PTPRD: variants seen among roughly 807,000 people sequenced by gnomAD.
PTPRD encodes protein tyrosine phosphatase receptor type D.
In PTPRD, 34 loss-of-function variants were observed where a neutral mutation model predicts 214.5. The ratio of observed to expected loss-of-function variants is 0.16; its 90% CI spans 0.12 to 0.21. PTPRD has a LOEUF of 0.21. PTPRD is among the 10% of genes least tolerant of loss of function. The pLI is 1.00. For synonymous variants in PTPRD, 1,128 were observed against 845.7 expected, an observed-to-expected ratio of 1.33 and a Z score of -5.79; for missense variants, 2,545 against 2,398.7, an observed-to-expected ratio of 1.06 and a Z score of -1.27.
At chr9:9,662,181 G>A (rs570689217) in intron 7 of PTPRD, among the ~76,000 whole-genome samples, 1 of 151,696 alleles carries the variant, frequency 6.6e-6, no homozygotes, top group South Asian at 2.1e-4. Flanking sequence ...GAGCTTGGAA[G>A]GCAGTCTCAG....
At chr9:9,355,287 T>G (rs1391105542) in intron 9 of PTPRD, among the ~76,000 whole-genome samples, 1 of 151,834 alleles carries the variant, frequency 6.6e-6, no homozygotes, top group Non-Finnish European at 1.5e-5. Context: ...GAATGAATTA[T>G]AATGGTACAA....
chr9:8,755,090 C>T lies in PTPRD; in HGVS notation c.-103-21144G>A, dbSNP rs150040580. Among the ~76,000 whole-genome samples, 334 of 152,158 alleles carry T rather than the reference C, an allele frequency of 2.2e-3. 1 individual carries two copies. Among genetic ancestry groups the T allele is most frequent in the Middle Eastern group, 6.8e-3 (2 of 292 alleles). On this transcript the variant is annotated intron_variant, in intron 11 of 45. Transcript: ENST00000381196. ...GAAGGTTGCAGTGCAAATTAAAACT[C>T]ATATACTGCTGGTTAGAGTGCCAAC...
chr9:9,169,625 C>T (rs2099910717), intron 10 of PTPRD, among the ~76,000 whole-genome samples: 1 of 152,112 alleles, frequency 6.6e-6, no homozygotes, highest in African/African-American at 2.4e-5. Context: ...AGCTTTGTTA[C>T]TCCTTCTTTC....
chr9:10,593,462 T>A (rs1169316185), intron 2 of PTPRD, among the ~76,000 whole-genome samples: 1 of 152,102 alleles, frequency 6.6e-6, no homozygotes, highest in African/African-American at 2.4e-5. Context: ...AATATTTGGA[T>A]GTTATTACAA....
chr9:8,834,145 T>C (rs1276583312), intron 11 of PTPRD, among the ~76,000 whole-genome samples: 1 of 152,100 alleles, frequency 6.6e-6, no homozygotes. Context: ...TTATTTACTA[T>C]TACACTAGAA....
At chr9:8,773,821 C>T (rs1303755136) in intron 11 of PTPRD, among the ~76,000 whole-genome samples, 1 of 152,184 alleles carries the variant, frequency 6.6e-6, no homozygotes, top group Non-Finnish European at 1.5e-5. Flanking sequence ...TCTTTCATTA[C>T]ACTTGCACAT....
intron 3 of PTPRD, among the ~76,000 whole-genome samples, chr9:10,231,674 G>A (rs1162678520): frequency 6.6e-6 from 1 of 151,928 alleles, no homozygotes; most frequent in Non-Finnish European, 1.5e-5. Context: ...AATGCTTGTT[G>A]AATGAGTGAT....
At chr9:8,777,488 T>G (rs2095531610) in intron 11 of PTPRD, among the ~76,000 whole-genome samples, 1 of 152,210 alleles carries the variant, frequency 6.6e-6, no homozygotes, top group African/African-American at 2.4e-5. Flanking sequence ...GACAATTTTG[T>G]GGATTATGTT....
Position 8,801,880 on chromosome 9 carries a change from A to G in PTPRD, c.-103-67934T>C, listed in dbSNP as rs181576823. Among the ~76,000 whole-genome samples, 341 of 152,336 alleles carry G rather than the reference A, an allele frequency of 2.2e-3. 1 individual carries two copies. The highest frequency in any genetic ancestry group is 7.7e-3 in the African/African-American group (318 of 41,566). ...ATTACCACAGTTATTTGCATACTGT[A>G]CAAACTGAAAAGCAGTTTTTAAAAA... On this transcript the variant is annotated intron_variant, in intron 11 of 45. Coordinates refer to ENST00000381196, the MANE Select transcript of PTPRD (RefSeq NM_002839.4).
At chr9:10,240,122 G>T (rs74747977) in intron 3 of PTPRD, among the ~76,000 whole-genome samples, 4,386 of 151,984 alleles carry the variant, frequency 0.029, 128 homozygotes, top group Non-Finnish European at 0.041. Flanking sequence ...TATACTTTTT[G>T]TATAATCGTA....
intron 4 of PTPRD, among the ~76,000 whole-genome samples, chr9:10,005,098 A>T (rs2096444195): frequency 2.0e-5 from 3 of 152,114 alleles, no homozygotes; most frequent in Admixed American, 2.0e-4. Context: ...ATTTCCTATA[A>T]GATTTTTTTT....
At chr9:8,894,008 G>C (rs1361989367) in intron 11 of PTPRD, among the ~76,000 whole-genome samples, 1 of 152,052 alleles carries the variant, frequency 6.6e-6, no homozygotes, top group African/African-American at 2.4e-5. Context: ...ATTGTATTTT[G>C]TAAAGCACAC....
At chr9:9,001,562 A>G (rs1255714635) in intron 11 of PTPRD, among the ~76,000 whole-genome samples, 1 of 151,956 alleles carries the variant, frequency 6.6e-6, no homozygotes, top group African/African-American at 2.4e-5. Flanking sequence ...AAAGCTCTGG[A>G]TCGGGTTCAA....
chr9:10,279,656 A>G (rs1033802321), intron 3 of PTPRD, among the ~76,000 whole-genome samples: 1 of 151,452 alleles, frequency 6.6e-6, no homozygotes, highest in Non-Finnish European at 1.5e-5. Flanking sequence ...TTAGGTACCT[A>G]GGTACTATAT....
chr9:9,486,185 A>AAAAG (rs2095628114), intron 8 of PTPRD, among the ~76,000 whole-genome samples: 1 of 136,178 alleles, frequency 7.3e-6, no homozygotes, highest in Non-Finnish European at 1.6e-5. Context: ...AAAAAAAAAA[A>AAAAG]GCCTTCCCTT....
At position 10,455,909 on chromosome 9, in the gene PTPRD, T is replaced by C. The variant is rs557430059; in HGVS notation, c.-599-114892A>G. Among the ~76,000 whole-genome samples the C allele has an allele frequency of 1.5e-3, 225 of 151,974 alleles. 2 individuals carry two copies. The highest frequency in any genetic ancestry group is 4.8e-3 in the African/African-American group (199 of 41,562). ...ACTGCTAGGAAATCACAAAATAAGA[T>C]GTAATGTAGTTACAAAAAATATTAG... On this transcript the variant is annotated intron_variant, in intron 2 of 45. Transcript: ENST00000381196.
At chr9:9,937,851 T>A (rs1046599418) in intron 5 of PTPRD, among the ~76,000 whole-genome samples, 2 of 152,194 alleles carry the variant, frequency 1.3e-5, no homozygotes, top group African/African-American at 4.8e-5. Flanking sequence ...CCTAAACTGT[T>A]ATTCTATTCA....
rs869120926 is a variant in PTPRD at position 9,779,078 on chromosome 9, CAAA to C, written c.-367-12230_-367-12228del. Among the ~76,000 whole-genome samples, 52 of 45,482 alleles carry C rather than the reference CAAA, an allele frequency of 1.1e-3. No individual in the cohort carries two copies. The East Asian group carries it at 0.019, about 16-fold the overall frequency. 29.8% of individuals were successfully genotyped at this position (45,482 alleles called of 152,430 possible). Reference sequence around the variant, plus strand: ...GCCATGTGATCTTTCATAAGACTGACAAAAAAAAAAAAAAAAAAAAAAAAAAGC... The same window carrying C: ...GCCATGTGATCTTTCATAAGACTGACAAAAAAAAAAAAAAAAAAAAAAAGC... On this transcript the variant is annotated intron_variant, in intron 5 of 45. Coordinates refer to ENST00000381196, the MANE Select transcript of PTPRD (RefSeq NM_002839.4).
chr9:8,596,072 C>A (rs960574684), intron 14 of PTPRD, among the ~76,000 whole-genome samples: 31 of 152,056 alleles, frequency 2.0e-4, no homozygotes, highest in African/African-American at 7.2e-4. Context: ...ACATATTTAT[C>A]TTTTTCACAA....
Sources: allele counts gnomAD v4.1 joint callset (sites outside exome capture counted in the v4.1 genomes callset), GRCh38; gene constraint gnomAD v4.1.1; transcripts MANE v1.5; gene names NCBI Gene and HGNC (gene_info 2026-07-23, HGNC 2026-07-21).